Variants in DLGAP4 observed in about 807,000 individuals in gnomAD.
DLGAP4 encodes the protein disks large-associated protein 4.
A neutral mutation model predicts 86.9 loss-of-function variants in DLGAP4; 18 were observed. The ratio of observed to expected loss-of-function variants is 0.21; its 90% CI spans 0.14 to 0.31. The LOEUF (loss-of-function observed/expected upper bound fraction) is 0.31. Ranked by LOEUF, DLGAP4 falls within the 10% of genes least tolerant of loss-of-function variation. The pLI is 1.00. For missense variants in DLGAP4, 1,085 were observed against 1,362.6 expected, an observed-to-expected ratio of 0.80 and a Z score of 3.21; for synonymous variants, 548 against 574.3, an observed-to-expected ratio of 0.95 and a Z score of 0.65.
In DLGAP4 at chr20:36,445,551, A is replaced by C. The variant is rs78958438; in HGVS notation, c.1408-1146A>C. ...TTTAGACCTTTCCATCCACCCTCCA[A>C]ATTGGGTGAACACCCATCTAGTTGT... On this transcript the variant is annotated intron_variant, in intron 6 of 12. Coordinates refer to ENST00000339266, the MANE Select transcript of DLGAP4 (RefSeq NM_001365621.2). Among the ~76,000 whole-genome samples, 62 of 152,336 alleles carry C rather than the reference A, an allele frequency of 4.1e-4. No homozygotes were observed. In the East Asian group the frequency reaches 0.012, roughly 29 times the overall value.
At chr20:36,458,613 C>T (rs2033943673) in intron 7 of DLGAP4, among the ~76,000 whole-genome samples, 1 of 151,888 alleles carries the variant, frequency 6.6e-6, no homozygotes. Flanking sequence ...GCATGAGAAT[C>T]GCTTGAGCCT....
chr20:36,439,253 G>T (rs892026210), intron 4 of DLGAP4, among the ~76,000 whole-genome samples: 1 of 152,160 alleles, frequency 6.6e-6, no homozygotes, highest in African/African-American at 2.4e-5. Context: ...TAAGTAAGGG[G>T]TAATGACTTG....
chr20:36,524,681 T>A (rs986677218), intron 11 of DLGAP4, among the ~76,000 whole-genome samples: 8 of 152,000 alleles, frequency 5.3e-5, no homozygotes, highest in African/African-American at 1.9e-4. Context: ...GGCGGGTGGA[T>A]CACCTGAGGT....
chr20:36,360,894 G>C (rs1211148602), intron 1 of DLGAP4, among the ~76,000 whole-genome samples: 3 of 152,094 alleles, frequency 2.0e-5, no homozygotes, highest in Non-Finnish European at 4.4e-5. Context: ...TTGGACATGG[G>C]GGTGTGACGG....
intron 2 of DLGAP4, among the ~76,000 whole-genome samples, chr20:36,369,178 T>A (rs572925604): frequency 1.3e-4 from 20 of 152,132 alleles, no homozygotes; most frequent in African/African-American, 4.6e-4. Context: ...AGCTAGAAAA[T>A]GGGATGAGGT....
chr20:36,322,963 C>T (rs1389510916), intron 1 of DLGAP4, among the ~76,000 whole-genome samples: 1 of 151,768 alleles, frequency 6.6e-6, no homozygotes, highest in African/African-American at 2.4e-5. Flanking sequence ...TTGCTTGAGC[C>T]CAGGAGTTCG....
chr20:36,485,122 G>T (rs530968359), intron 7 of DLGAP4, among the ~76,000 whole-genome samples: 11 of 152,178 alleles, frequency 7.2e-5, no homozygotes, highest in Non-Finnish European at 1.3e-4. Flanking sequence ...GAGGTGGCTC[G>T]CGCCAGTAAT....
At chr20:36,355,650 C>T (rs147691070) in intron 1 of DLGAP4, among the ~76,000 whole-genome samples, 1 of 152,308 alleles carries the variant, frequency 6.6e-6, no homozygotes, top group African/African-American at 2.4e-5. Context: ...TGCTTTATTC[C>T]TTTTTAGTGC....
At chr20:36,383,111 C>T (rs973633831) in intron 2 of DLGAP4, among the ~76,000 whole-genome samples, 1 of 152,146 alleles carries the variant, frequency 6.6e-6, no homozygotes, top group Non-Finnish European at 1.5e-5. Flanking sequence ...CTGTTGTGCC[C>T]CATCTTCCCC....
chr20:36,478,271 A>G (rs181765281), intron 7 of DLGAP4, among the ~76,000 whole-genome samples: 1 of 152,230 alleles, frequency 6.6e-6, no homozygotes, highest in African/African-American at 2.4e-5. Flanking sequence ...TCTTCTCGAC[A>G]CAGGCAAAAC....
At chr20:36,345,552 T>A (rs782660538) in intron 1 of DLGAP4, among the ~76,000 whole-genome samples, 1 of 152,220 alleles carries the variant, frequency 6.6e-6, no homozygotes, top group Non-Finnish European at 1.5e-5. Context: ...GGCATCTGCA[T>A]CCCAGGCTTG....
chr20:36,456,785 C>A (rs1488197640), intron 7 of DLGAP4, among the ~76,000 whole-genome samples: 1 of 152,190 alleles, frequency 6.6e-6, no homozygotes, highest in Non-Finnish European at 1.5e-5. Context: ...GGCAGGCCTC[C>A]AATCCCAGGA....
intron 1 of DLGAP4, among the ~76,000 whole-genome samples, chr20:36,345,996 A>G (rs1366777003): frequency 5.3e-5 from 8 of 152,112 alleles, no homozygotes; most frequent in African/African-American, 1.7e-4. Flanking sequence ...GCCTCAAGCA[A>G]TCCTCTTGCC....
At chr20:36,411,767 T>A (rs2032506186) in intron 2 of DLGAP4, among the ~76,000 whole-genome samples, 1 of 152,190 alleles carries the variant, frequency 6.6e-6, no homozygotes, top group Admixed American at 6.5e-5. Context: ...TCAAAGCCCA[T>A]GCCCACCACA....
chr20:36,475,887 T>G (rs1315750072), intron 7 of DLGAP4, among the ~76,000 whole-genome samples: 2 of 151,966 alleles, frequency 1.3e-5, no homozygotes, highest in African/African-American at 4.8e-5. Flanking sequence ...TGAGACAGAG[T>G]CTCACTCTGT....
intron 10 of DLGAP4, among the ~76,000 whole-genome samples, chr20:36,521,376 C>G (rs1183127995): frequency 6.6e-6 from 1 of 152,096 alleles, no homozygotes; most frequent in Admixed American, 6.5e-5. Flanking sequence ...TTTTTTATTA[C>G]TTAGTCCCTA....
intron 7 of DLGAP4, among the ~76,000 whole-genome samples, chr20:36,461,125 G>A (rs1760064304): frequency 6.6e-6 from 1 of 152,140 alleles, no homozygotes; most frequent in African/African-American, 2.4e-5. Context: ...TCCCGCCTCG[G>A]TCCACCTCCC....
At chr20:36,467,436 A>C (rs2034467709) in intron 7 of DLGAP4, among the ~76,000 whole-genome samples, 1 of 152,178 alleles carries the variant, frequency 6.6e-6, no homozygotes, top group South Asian at 2.1e-4. Flanking sequence ...TCTGGCTGGA[A>C]AATCTGGGTG....
At chr20:36,427,413 G>A (rs951373455) in intron 2 of DLGAP4, among the ~76,000 whole-genome samples, 1 of 151,830 alleles carries the variant, frequency 6.6e-6, no homozygotes, top group African/African-American at 2.4e-5. Flanking sequence ...GGGAGGCAGA[G>A]GTTGCAGTGA....
Sources: allele counts gnomAD v4.1 joint callset (sites outside exome capture counted in the v4.1 genomes callset), GRCh38; gene constraint gnomAD v4.1.1; transcripts MANE v1.5; gene names NCBI Gene and HGNC (gene_info 2026-07-23, HGNC 2026-07-21).